Variants in EFCAB5 observed in about 807,000 individuals in gnomAD.
EFCAB5 encodes the protein EF-hand calcium binding domain 5.
In EFCAB5, 131 loss-of-function variants were observed where a neutral mutation model predicts 167.9. The observed-to-expected ratio is 0.78, with a 90% confidence interval of 0.68 to 0.90. The LOEUF (loss-of-function observed/expected upper bound fraction) is 0.90. Ranked by LOEUF, EFCAB5 falls within the 40% of genes least tolerant of loss-of-function variation. The pLI is 0.00. For synonymous variants in EFCAB5, 574 were observed against 602.8 expected (o/e 0.95, Z 0.70); for missense variants, 1,663 against 1,745.2 (o/e 0.95, Z 0.84).
At chr17:30,080,717 G>A in intron 16 of EFCAB5, 36 bp from the exon 17 acceptor site, 1 of 1,447,394 alleles carries the variant, frequency 6.9e-7, no homozygotes, top group Non-Finnish European at 9.5e-7. Flanking sequence ...ATCTCTCCCT[G>A]TGCCTTTCTT....
At chr17:29,980,183 C>T (rs1243501178) in intron 4 of EFCAB5, among the ~76,000 whole-genome samples, 1 of 152,046 alleles carries the variant, frequency 6.6e-6, no homozygotes, top group East Asian at 1.9e-4. Context: ...AACAAACAAA[C>T]AAAACTTAAA....
At chr17:30,035,570 A>G (rs2069592934) in intron 8 of EFCAB5, among the ~76,000 whole-genome samples, 1 of 152,214 alleles carries the variant, frequency 6.6e-6, no homozygotes, top group Admixed American at 6.5e-5. Context: ...TAAGGAAATG[A>G]AGACCCAAAG....
intron 3 of EFCAB5, among the ~76,000 whole-genome samples, chr17:29,945,706 T>A (rs1241723699): frequency 1.3e-5 from 2 of 152,038 alleles, no homozygotes; most frequent in Non-Finnish European, 2.9e-5. Context: ...ACAACCAAAC[T>A]TGACAAAGCA....
Position 30,053,480 on chromosome 17 carries a change from A to T in EFCAB5, c.1526A>T (p.Gln509Leu). Residue 509 changes from glutamine to leucine, a missense_variant, in exon 10 of 23, where the codon CAG becomes CTG. Coordinates refer to ENST00000394835, the MANE Select transcript of EFCAB5 (RefSeq NM_198529.4). ...STPSPNPPEQQRGVTAEQGPQ... is the reference protein window; with the variant it reads ...STPSPNPPEQLRGVTAEQGPQ... ...CCATCACCAAACCCGCCAGAACAGC[A>T]GAGAGGAGTAACTGCAGAACAAGGA... The T allele has an allele frequency of 6.2e-7, 1 of 1,614,038 alleles. No individual in the cohort carries two copies. The highest frequency in any genetic ancestry group is 8.5e-7 in the Non-Finnish European group (1 of 1,179,898).
At chr17:29,930,410 T>G in intron 1 of EFCAB5, 2 of 175,478 alleles carry the variant, frequency 1.1e-5, no homozygotes, top group Non-Finnish European at 2.4e-5. Context: ...CACTGGGTGC[T>G]GTGGAGTGGG....
At chr17:30,019,725 C>G (rs561609710) in intron 7 of EFCAB5, among the ~76,000 whole-genome samples, 1 of 152,012 alleles carries the variant, frequency 6.6e-6, no homozygotes, top group African/African-American at 2.4e-5. Flanking sequence ...GGATTACAGG[C>G]GTGAGCCACC....
chr17:30,010,945 C>A (rs1382377145), intron 7 of EFCAB5, among the ~76,000 whole-genome samples: 1 of 152,150 alleles, frequency 6.6e-6, no homozygotes, highest in Non-Finnish European at 1.5e-5. Context: ...TTAGGTCTAA[C>A]ATTTAAGTAT....
chr17:30,023,857 G>A (rs140551707), intron 7 of EFCAB5, among the ~76,000 whole-genome samples: 4,590 of 152,168 alleles, frequency 0.03, 108 homozygotes, highest in Middle Eastern at 0.048. Flanking sequence ...TTTATCTCTG[G>A]GATGCAAGGC....
At chr17:29,997,775 T>C (rs1209278713) in intron 6 of EFCAB5, among the ~76,000 whole-genome samples, 1 of 152,164 alleles carries the variant, frequency 6.6e-6, no homozygotes, top group Non-Finnish European at 1.5e-5. Context: ...TTCCATGTGT[T>C]CTGCCTCTGC....
chr17:30,019,916 G>A (rs928651396), intron 7 of EFCAB5, among the ~76,000 whole-genome samples: 1 of 152,020 alleles, frequency 6.6e-6, no homozygotes, highest in Non-Finnish European at 1.5e-5. Context: ...GTGTATTTAT[G>A]TACAACGGGA....
chr17:29,931,253 A>G (rs909340452), intron 1 of EFCAB5, among the ~76,000 whole-genome samples: 3 of 152,150 alleles, frequency 2.0e-5, no homozygotes, highest in African/African-American at 7.2e-5. Flanking sequence ...CACACTTGGG[A>G]GTTTGCAGTT....
At chr17:29,949,828 G>A (rs1462536414) in intron 3 of EFCAB5, among the ~76,000 whole-genome samples, 1 of 152,190 alleles carries the variant, frequency 6.6e-6, no homozygotes, top group Non-Finnish European at 1.5e-5. Context: ...CATCAGTGGG[G>A]ACAATGCAAG....
intron 14 of EFCAB5, among the ~76,000 whole-genome samples, chr17:30,064,448 G>A (rs1383456924): frequency 6.6e-6 from 1 of 152,026 alleles, no homozygotes; most frequent in Non-Finnish European, 1.5e-5. Context: ...TTGAAGATAG[G>A]CCATTTAAAA....
At chr17:30,068,125 G>A (rs1167774865) in intron 14 of EFCAB5, among the ~76,000 whole-genome samples, 1 of 152,162 alleles carries the variant, frequency 6.6e-6, no homozygotes, top group Non-Finnish European at 1.5e-5. Context: ...CTAACACGGT[G>A]AAACCCCGTC....
chr17:29,954,367 C>T (rs1037862040), intron 3 of EFCAB5, among the ~76,000 whole-genome samples: 1 of 152,178 alleles, frequency 6.6e-6, no homozygotes, highest in African/African-American at 2.4e-5. Flanking sequence ...CTGTGTGCAG[C>T]CTTGGGACTT....
At chr17:29,978,522 G>T (rs185125162) in intron 4 of EFCAB5, among the ~76,000 whole-genome samples, 4 of 152,040 alleles carry the variant, frequency 2.6e-5, no homozygotes, top group African/African-American at 7.2e-5. Context: ...GCAAGATCAT[G>T]GTCTCCCTGG....
intron 22 of EFCAB5, among the ~76,000 whole-genome samples, chr17:30,104,572 C>T (rs970900976): frequency 3.3e-5 from 5 of 150,948 alleles, no homozygotes; most frequent in Non-Finnish European, 3.0e-5. Flanking sequence ...AGCGTTATTT[C>T]TATGGTTATA....
At chr17:29,934,022 G>A (rs144982271) in intron 1 of EFCAB5, among the ~76,000 whole-genome samples, 201 of 152,252 alleles carry the variant, frequency 1.3e-3, no homozygotes, top group African/African-American at 4.6e-3. Context: ...AACATATTAA[G>A]GATGACACTA....
In EFCAB5 at chr17:29,968,579, A is replaced by G. The variant is rs1464433157; in HGVS notation, c.191-212A>G. ...AGAAACAGCCTACGTATTTAATGAA[A>G]TCACTGAACTGCTAAATGGCTTCTG... On this transcript the variant is annotated intron_variant, in intron 3 of 22. Coordinates refer to ENST00000394835, the MANE Select transcript of EFCAB5 (RefSeq NM_198529.4). Among the ~76,000 whole-genome samples the G allele has an allele frequency of 2.6e-5, 4 of 152,212 alleles. No individual in the cohort carries two copies. The East Asian group carries it at 7.7e-4, about 29-fold the overall frequency.
Sources: gnomAD v4.1 joint callset for allele counts (sites outside exome capture counted in the v4.1 genomes callset) on GRCh38, gnomAD v4.1.1 for gene constraint, MANE v1.5 for transcripts, NCBI Gene and HGNC (gene_info 2026-07-23, HGNC 2026-07-21) for gene names.